The following KALRN variants were observed in gnomAD, a reference collection of about 807,000 sequenced individuals.
KALRN encodes kalirin RhoGEF kinase, also known as kalirin.
Under a neutral mutation model 353.7 loss-of-function variants are expected in KALRN, and 70 were observed. The ratio of observed to expected loss-of-function variants is 0.20; its 90% confidence interval spans 0.16 to 0.24. KALRN has a LOEUF of 0.24. KALRN is among the 10% of genes least tolerant of loss of function. The pLI, the probability that KALRN is intolerant of heterozygous loss-of-function variation, is 1.00. For missense variants in KALRN, 2,791 were observed against 3,756.7 expected, an observed-to-expected ratio of 0.74 and a Z score of 6.72; for synonymous variants, 1,391 against 1,434.8, an observed-to-expected ratio of 0.97 and a Z score of 0.69.
chr3:124,473,260 C>T, intron 25 of KALRN, among the ~76,000 whole-genome samples: 1 of 152,208 alleles, frequency 6.6e-6, no homozygotes, highest in East Asian at 1.9e-4. Flanking sequence ...AGTCAAATAA[C>T]ATTTTTCCCT....
chr3:124,267,843 C>A (rs963190345), intron 4 of KALRN, among the ~76,000 whole-genome samples: 3 of 152,178 alleles, frequency 2.0e-5, no homozygotes, highest in Middle Eastern at 3.2e-3. Context: ...ACCCTATGTG[C>A]TTTACACACA....
At chr3:124,252,141 T>C (rs1474413047) in intron 3 of KALRN, among the ~76,000 whole-genome samples, 1 of 152,142 alleles carries the variant, frequency 6.6e-6, no homozygotes, top group African/African-American at 2.4e-5. Flanking sequence ...AACAAATCTC[T>C]ACAACTTTGC....
intron 1 of KALRN, among the ~76,000 whole-genome samples, chr3:124,172,399 A>G (rs2071979028): frequency 6.6e-6 from 1 of 152,178 alleles, no homozygotes; most frequent in African/African-American, 2.4e-5. Context: ...CCAGCCAGAA[A>G]GTCTGCTCCA....
intron 1 of KALRN, among the ~76,000 whole-genome samples, chr3:124,133,467 C>T (rs1430299702): frequency 6.6e-6 from 1 of 152,214 alleles, no homozygotes; most frequent in Non-Finnish European, 1.5e-5. Context: ...AGAATAAGCA[C>T]AGAGCCCCGG....
intron 1 of KALRN, among the ~76,000 whole-genome samples, chr3:124,144,906 T>C (rs898652488): frequency 6.6e-6 from 1 of 152,172 alleles, no homozygotes; most frequent in Non-Finnish European, 1.5e-5. Flanking sequence ...ATAGATGAGA[T>C]AGAGTGTTCT....
chr3:124,227,494 G>T (rs2148486308), intron 1 of KALRN, among the ~76,000 whole-genome samples: 1 of 152,176 alleles, frequency 6.6e-6, no homozygotes, highest in African/African-American at 2.4e-5. Flanking sequence ...CAGAGGAAAG[G>T]CAAGAAGGAT....
At chr3:124,684,091 A>C (rs1427299820) in intron 51 of KALRN, among the ~76,000 whole-genome samples, 2 of 152,156 alleles carry the variant, frequency 1.3e-5, no homozygotes, top group Non-Finnish European at 2.9e-5. Context: ...TCGCAAACAG[A>C]AATTCTTTAG....
intron 1 of KALRN, among the ~76,000 whole-genome samples, chr3:124,121,409 C>T (rs911431466): frequency 6.6e-6 from 1 of 152,158 alleles, no homozygotes; most frequent in Non-Finnish European, 1.5e-5. Flanking sequence ...AGAAGTCAAG[C>T]TTGAGTTAGA....
At chr3:124,065,234 G>A (rs1329090268) in intron 1 of KALRN, among the ~76,000 whole-genome samples, 1 of 152,218 alleles carries the variant, frequency 6.6e-6, no homozygotes, top group African/African-American at 2.4e-5. Context: ...GGGTGCTGAT[G>A]TGGCTTCAGC....
chr3:124,369,021 G>A (rs927275280), intron 10 of KALRN, among the ~76,000 whole-genome samples: 1 of 151,842 alleles, frequency 6.6e-6, no homozygotes, highest in African/African-American at 2.4e-5. Context: ...CTTCGGCTCC[G>A]CATGAGAGGG....
intron 1 of KALRN, among the ~76,000 whole-genome samples, chr3:124,172,584 A>G (rs1455381663): frequency 1.3e-5 from 2 of 152,050 alleles, no homozygotes; most frequent in Admixed American, 6.5e-5. Context: ...AGCTTTTCTT[A>G]TCTGTACCCT....
At chr3:124,463,307 A>G (rs625681) in intron 25 of KALRN, among the ~76,000 whole-genome samples, 150,702 of 152,364 alleles carry the variant, frequency 0.99, 74,542 homozygotes, top group East Asian at 1. Context: ...CTCAAGACAC[A>G]AAGAAGAACA....
At chr3:124,669,254 G>A (rs1209510566) in intron 47 of KALRN, among the ~76,000 whole-genome samples, 25 of 152,204 alleles carry the variant, frequency 1.6e-4, no homozygotes, top group Non-Finnish European at 2.9e-5. Context: ...CAGTATAGGT[G>A]CTAGTGTTAG....
In KALRN at chr3:124,702,910, C is replaced by T. The variant is rs567162679; in HGVS notation, c.8075+794C>T. 2.0e-5 allele frequency among the ~76,000 whole-genome samples: 3 copies of T among 152,186 alleles called. No homozygotes were observed. In the South Asian group the frequency reaches 6.2e-4, roughly 32 times the overall value. ...TAACAGAAAAATTAAAAATCTATCA[C>T]CTGGCCCACAAAATAGTCTATGGGA... On this transcript the variant is annotated intron_variant, in intron 57 of 59. Transcript: ENST00000682506.
rs114390466 is a variant in KALRN, at chr3:124,616,464, C to T, written c.5183-15956C>T. On this transcript the variant is annotated intron_variant, in intron 34 of 59. Coordinates refer to ENST00000682506, the MANE Select transcript of KALRN (RefSeq NM_001388419.1). ...TGAGTTTGACTGACTACCTTGCTGT[C>T]AGAATACCATCTCCAGGAGTCTCAC... Among the ~76,000 whole-genome samples, 250 of 152,288 alleles carry T rather than the reference C, an allele frequency of 1.6e-3. 1 individual carries two copies. The highest frequency in any genetic ancestry group is 5.8e-3 in the African/African-American group (242 of 41,548).
At chr3:124,715,696 G>T (rs1274836947) in intron 58 of KALRN, among the ~76,000 whole-genome samples, 4 of 152,174 alleles carry the variant, frequency 2.6e-5, no homozygotes, top group African/African-American at 9.7e-5. Context: ...TTGACCAGGG[G>T]GATTTCAGCT....
At chr3:124,246,027 A>T (rs2081084460) in intron 3 of KALRN, among the ~76,000 whole-genome samples, 1 of 152,194 alleles carries the variant, frequency 6.6e-6, no homozygotes, top group African/African-American at 2.4e-5. Flanking sequence ...TGGTCATGCA[A>T]ATGACAAGAT....
chr3:124,413,183 C>T (rs1320133131), intron 13 of KALRN, among the ~76,000 whole-genome samples: 2 of 152,140 alleles, frequency 1.3e-5, no homozygotes, highest in African/African-American at 2.4e-5. Flanking sequence ...GAGGATTGAA[C>T]ATCAAGGAGT....
chr3:124,429,681 G>A (rs1435979289), intron 15 of KALRN, among the ~76,000 whole-genome samples: 2 of 152,166 alleles, frequency 1.3e-5, no homozygotes, highest in Non-Finnish European at 2.9e-5. Context: ...TGTCTAGACA[G>A]TGTCAGCTGT....
Sources: gnomAD v4.1 joint callset for allele counts (sites outside exome capture counted in the v4.1 genomes callset) on GRCh38, gnomAD v4.1.1 for gene constraint, MANE v1.5 for transcripts, NCBI Gene and HGNC (gene_info 2026-07-23, HGNC 2026-07-21) for gene names.